The following TMEM108 variants were observed in gnomAD, a reference collection of about 807,000 sequenced individuals.
TMEM108 encodes the protein cancer/testis antigen 124.
TMEM108 carries 12 observed loss-of-function variants against 35.1 expected under a neutral mutation model. The observed-to-expected ratio is 0.34, with a 90% CI of 0.22 to 0.55. The LOEUF (loss-of-function observed/expected upper bound fraction) is 0.55. Ranked by LOEUF, TMEM108 falls within the 20% of genes least tolerant of loss-of-function variation. The probability of loss-of-function intolerance (pLI) is 0.89; values close to 1 mark genes in which losing one functional copy is unlikely to be tolerated. For synonymous variants in TMEM108, 287 were observed against 308.6 expected (o/e 0.93, Z 0.73); for missense variants, 680 against 753.3 (o/e 0.90, Z 1.14).
chr3:133,047,871 G>T (rs1376951420), intron 2 of TMEM108, among the ~76,000 whole-genome samples: 1 of 152,160 alleles, frequency 6.6e-6, no homozygotes, highest in Non-Finnish European at 1.5e-5. Context: ...TGGGGGCTCT[G>T]TCATTTCTAA....
At chr3:133,163,558 C>A (rs539833633) in intron 2 of TMEM108, among the ~76,000 whole-genome samples, 2 of 152,212 alleles carry the variant, frequency 1.3e-5, no homozygotes, top group East Asian at 3.9e-4. Context: ...CTTGTTTGCC[C>A]TAGCCAGGCT....
chr3:133,316,511 CATT>C (rs1030990569), intron 3 of TMEM108, among the ~76,000 whole-genome samples: 26 of 152,262 alleles, frequency 1.7e-4, no homozygotes, highest in African/African-American at 6.0e-4. Flanking sequence ...ACTTGAACAT[CATT>C]ATGCCTAGTG....
intron 3 of TMEM108, among the ~76,000 whole-genome samples, chr3:133,292,895 A>G (rs1339279036): frequency 1.3e-5 from 2 of 152,190 alleles, no homozygotes; most frequent in Non-Finnish European, 1.5e-5. Context: ...TAACTGGCCA[A>G]ATGAGACATT....
At chr3:133,377,260 C>G (rs2072870806) in intron 3 of TMEM108, among the ~76,000 whole-genome samples, 1 of 152,186 alleles carries the variant, frequency 6.6e-6, no homozygotes, top group South Asian at 2.1e-4. Flanking sequence ...ACACTTAACA[C>G]TTGTGAGCTA....
chr3:133,168,308 A>G (rs768189679), intron 2 of TMEM108, among the ~76,000 whole-genome samples: 2 of 152,172 alleles, frequency 1.3e-5, no homozygotes, highest in Non-Finnish European at 2.9e-5. Context: ...ATTTCTTACA[A>G]TTCTGGAAGC....
chr3:133,256,900 A>G lies in TMEM108; in HGVS notation c.40+27549A>G, dbSNP rs181922383. The G allele has an allele frequency of 6.6e-5, 10 of 152,360 alleles. 1 individual carries two copies. The highest frequency in any genetic ancestry group is 1.9e-4 in the African/African-American group (8 of 41,584). 9.4% of individuals were successfully genotyped at this position (152,360 alleles called of 1,614,324 possible). On this transcript the variant is annotated intron_variant, in intron 3 of 5. Coordinates refer to ENST00000321871, the MANE Select transcript of TMEM108 (RefSeq NM_023943.4). Reference sequence around the variant, plus strand: ...ACTATAACCTTAATGCAAAAGCCAGAAAATGATAGTATGAGAAAGTAAAAT... The same window carrying G: ...ACTATAACCTTAATGCAAAAGCCAGGAAATGATAGTATGAGAAAGTAAAAT...
intron 3 of TMEM108, among the ~76,000 whole-genome samples, chr3:133,318,934 CAG>C (rs1334485310): frequency 8.1e-5 from 3 of 37,102 alleles, no homozygotes; most frequent in East Asian, 1.4e-3. Context: ...AAAAAAAACT[CAG>C]GGGAAGTGTA....
intron 4 of TMEM108, among the ~76,000 whole-genome samples, chr3:133,382,254 G>A (rs536766137): frequency 4.9e-4 from 75 of 152,254 alleles, no homozygotes; most frequent in African/African-American, 1.6e-3. Flanking sequence ...GACCCTCCAG[G>A]TTGTTGTCCA....
intron 2 of TMEM108, among the ~76,000 whole-genome samples, chr3:133,072,462 A>G (rs542848547): frequency 1.3e-5 from 2 of 151,954 alleles, no homozygotes; most frequent in Non-Finnish European, 2.9e-5. Context: ...ATAATATAAT[A>G]TAAATTATTA....
chr3:133,309,843 G>C (rs1431297988), intron 3 of TMEM108, among the ~76,000 whole-genome samples: 1 of 151,806 alleles, frequency 6.6e-6, no homozygotes, highest in African/African-American at 2.4e-5. Context: ...TGGGACTACA[G>C]GCGCCAGCCG....
intron 2 of TMEM108, among the ~76,000 whole-genome samples, chr3:133,146,177 C>T (rs993071699): frequency 3.3e-5 from 5 of 151,976 alleles, no homozygotes; most frequent in Admixed American, 1.3e-4. Context: ...TAGCATGAAG[C>T]GATGTTGAGT....
intron 3 of TMEM108, among the ~76,000 whole-genome samples, chr3:133,235,224 A>C (rs1169480046): frequency 6.6e-6 from 1 of 152,118 alleles, no homozygotes; most frequent in Non-Finnish European, 1.5e-5. Context: ...GCTACCAATG[A>C]CTTTCTTCAC....
rs147676766 is a variant in TMEM108, at chr3:133,390,298, G to A, written c.1569G>A (p.Glu523=). 3.1e-6 allele frequency: 5 copies of A among 1,614,076 alleles called. No homozygotes were observed. The highest frequency in any genetic ancestry group is 1.3e-5 in the African/African-American group (1 of 74,938). ...ACTACTTCAACAGGCATGCTGTGGA[G>A]CTGCCCAGGGAGATCCAGTCCCTTG... ...TMDYFNRHAV[E]LPREIQSLET... The change falls in exon 5 of 6, where the codon GAG becomes GAA. Residue 523 remains glutamate (E), a synonymous_variant. Coordinates refer to ENST00000321871, the MANE Select transcript of TMEM108 (RefSeq NM_023943.4).
intron 3 of TMEM108, among the ~76,000 whole-genome samples, chr3:133,297,853 G>C (rs2107700599): frequency 6.6e-6 from 1 of 152,324 alleles, no homozygotes; most frequent in South Asian, 2.1e-4. Flanking sequence ...ATCAGAGAAT[G>C]AGGAAAGGAA....
intron 3 of TMEM108, among the ~76,000 whole-genome samples, chr3:133,343,956 C>A (rs541239096): frequency 1.3e-4 from 19 of 151,904 alleles, no homozygotes; most frequent in African/African-American, 4.6e-4. Flanking sequence ...CAACCTTTTT[C>A]CAACCAAACC....
intron 3 of TMEM108, among the ~76,000 whole-genome samples, chr3:133,259,147 T>C (rs1042066673): frequency 6.6e-6 from 1 of 152,252 alleles, no homozygotes; most frequent in African/African-American, 2.4e-5. Context: ...TAATTAAGTG[T>C]TGTCATCTGT....
At chr3:133,171,471 G>T (rs1310112715) in intron 2 of TMEM108, among the ~76,000 whole-genome samples, 1 of 152,140 alleles carries the variant, frequency 6.6e-6, no homozygotes, top group African/African-American at 2.4e-5. Context: ...CAAACTCCTG[G>T]ACTCAAGTGA....
chr3:133,236,921 G>A (rs531265675), intron 3 of TMEM108, among the ~76,000 whole-genome samples: 50 of 152,234 alleles, frequency 3.3e-4, no homozygotes, highest in Middle Eastern at 3.4e-3. Context: ...AAGATGGAAA[G>A]CAATTTGACT....
At chr3:133,381,216 C>T in intron 4 of TMEM108, 55 bp downstream of exon 4, 1 of 1,501,442 alleles carries the variant, frequency 6.7e-7, no homozygotes. Flanking sequence ...ACTGGCTCAA[C>T]CCCAGCATTC....
Sources: gnomAD v4.1 joint callset for allele counts (sites outside exome capture counted in the v4.1 genomes callset) on GRCh38, gnomAD v4.1.1 for gene constraint, MANE v1.5 for transcripts, NCBI Gene and HGNC (gene_info 2026-07-23, HGNC 2026-07-21) for gene names.